NOVA2: variants seen among roughly 807,000 people sequenced by gnomAD.
NOVA2 encodes RNA-binding protein Nova-2.
NOVA2 carries 9 observed loss-of-function variants against 22.5 expected under a neutral mutation model. The ratio of observed to expected loss-of-function variants is 0.40; its 90% CI spans 0.24 to 0.70. The LOEUF is 0.70. Ranked by LOEUF, NOVA2 falls within the 30% of genes least tolerant of loss-of-function variation. NOVA2 has a pLI of 0.38. For missense variants in NOVA2, 383 were observed against 682.8 expected (o/e 0.56, Z 4.89); for synonymous variants, 318 against 335.2 (o/e 0.95, Z 0.56).
At chr19:45,954,524 G>A (rs1258840436) in intron 2 of NOVA2, among the ~76,000 whole-genome samples, 3 of 152,054 alleles carry the variant, frequency 2.0e-5, no homozygotes, top group African/African-American at 7.2e-5. Context: ...GGATGGGGGA[G>A]GCAGAGGAGA....
rs1029299815 is a variant in NOVA2, at chr19:45,973,813, G to A, written c.-462C>T. Among the ~76,000 whole-genome samples the A allele has an allele frequency of 6.6e-6, 1 of 151,500 alleles. No individual in the cohort carries two copies. The highest frequency in any genetic ancestry group is 6.6e-5 in the Admixed American group (1 of 15,236). On this transcript the variant is annotated 5_prime_UTR_variant, in exon 1 of 4. Coordinates refer to ENST00000263257, the MANE Select transcript of NOVA2 (RefSeq NM_002516.4). ...AGGCTGGGGACTGGACGCGCCACTGGGGGGACGGGACTCCCCGCTTCTTCT... is the reference window on the plus strand; with the variant it reads ...AGGCTGGGGACTGGACGCGCCACTGAGGGGACGGGACTCCCCGCTTCTTCT...
At chr19:45,952,397 G>T (rs1967939791) in intron 3 of NOVA2, among the ~76,000 whole-genome samples, 1 of 152,142 alleles carries the variant, frequency 6.6e-6, no homozygotes, top group South Asian at 2.1e-4. Context: ...CTAAACAACA[G>T]AGCCCAGAGC....
Position 45,940,809 on chromosome 19 carries a change from C to T in NOVA2, c.533G>A (p.Arg178His). ...GGGCTCGCCGCTGACCGTCACCACG[C>T]GCTCCTGCAGGTTGATGCCCTCCGG... Reference protein sequence around the residue: ...QKPEGINLQERVVTVSGEPEQ... With the variant: ...QKPEGINLQEHVVTVSGEPEQ... Residue 178 changes from arginine (R) to histidine (H), a missense_variant, in exon 4 of 4, where the codon CGC becomes CAC. Transcript: ENST00000263257. 6.2e-7 allele frequency: 1 copy of T among 1,606,548 alleles called. No homozygotes were observed.
In NOVA2 at chr19:45,939,768, C is replaced by T; in HGVS notation, c.*95G>A. ...CAGCCCCATCCCAAGAGGAGCAGGACTACACCAAGCTGAGGTCAGGAGTTG... is the reference window on the plus strand; with the variant it reads ...CAGCCCCATCCCAAGAGGAGCAGGATTACACCAAGCTGAGGTCAGGAGTTG... On this transcript the variant is annotated 3_prime_UTR_variant, in exon 4 of 4. Transcript: ENST00000263257. The T allele has an allele frequency of 6.6e-7, 1 of 1,513,542 alleles. No individual in the cohort carries two copies. Among genetic ancestry groups the T allele is most frequent in the Non-Finnish European group, 9.0e-7 (1 of 1,110,716 alleles). The allele number at this position is 1,513,542 out of a possible 1,614,324, so 93.8% of individuals were successfully genotyped here.
At chr19:45,962,514 C>T (rs1235226336) in intron 1 of NOVA2, 1 of 152,638 alleles carries the variant, frequency 6.6e-6, no homozygotes, top group Non-Finnish European at 1.5e-5. Flanking sequence ...GCTTAACACC[C>T]TCCACTCCTG....
At position 45,958,463 on chromosome 19, in the gene NOVA2, CGTGTGTGTGAGT is replaced by C. The variant is rs1445755994; in HGVS notation, c.229+2535_229+2546del. On this transcript the variant is annotated intron_variant, in intron 2 of 3. Transcript: ENST00000263257. The stretch of plus-strand genomic sequence containing the variant: ...GCACGTGTGACAATGTGTGTGTAAG[CGTGTGTGTGAGT>C]GGGATGTGTGTGAATGAGTGTGAGT... 2.0e-5 allele frequency among the ~76,000 whole-genome samples: 3 copies of C among 147,602 alleles called. No homozygotes were observed. In the East Asian group the frequency reaches 6.0e-4, roughly 30 times the overall value.
At chr19:45,962,856 C>G (rs1191914300) in intron 1 of NOVA2, among the ~76,000 whole-genome samples, 3 of 152,106 alleles carry the variant, frequency 2.0e-5, no homozygotes, top group African/African-American at 7.2e-5. Context: ...CCATGTTGGT[C>G]AGGCTGGTCT....
At chr19:45,969,813 C>T (rs1968211865) in intron 1 of NOVA2, among the ~76,000 whole-genome samples, 1 of 152,160 alleles carries the variant, frequency 6.6e-6, no homozygotes, top group South Asian at 2.1e-4. Flanking sequence ...TCTTCCTGCC[C>T]TTAGTGCCTT....
At chr19:45,958,765 A>C (rs951545495) in intron 2 of NOVA2, among the ~76,000 whole-genome samples, 2 of 152,056 alleles carry the variant, frequency 1.3e-5, no homozygotes, top group African/African-American at 4.8e-5. Context: ...GGCTACATTG[A>C]CCAAACTGCT....
intron 1 of NOVA2, among the ~76,000 whole-genome samples, chr19:45,969,281 G>T (rs1193267477): frequency 1.3e-5 from 2 of 152,076 alleles, no homozygotes; most frequent in Non-Finnish European, 2.9e-5. Flanking sequence ...GAAGTGGGTG[G>T]ATCACCTGAG....
chr19:45,964,184 T>TC (rs1177688123), intron 1 of NOVA2, among the ~76,000 whole-genome samples: 2 of 123,820 alleles, frequency 1.6e-5, no homozygotes, highest in Non-Finnish European at 3.0e-5. Context: ...TTTTTCTTTT[T>TC]TTTTTTTTTT....
chr19:45,960,325 G>C (rs1968076071), intron 2 of NOVA2, among the ~76,000 whole-genome samples: 1 of 151,576 alleles, frequency 6.6e-6, no homozygotes, highest in Non-Finnish European at 1.5e-5. Context: ...AAAAACGTGA[G>C]ACTATGAGAG....
chr19:45,955,706 G>C (rs1340020759), intron 2 of NOVA2, among the ~76,000 whole-genome samples: 1 of 151,768 alleles, frequency 6.6e-6, no homozygotes, highest in Non-Finnish European at 1.5e-5. Context: ...AAAAATACAA[G>C]AATTAGCTGG....
chr19:45,940,129 C>A lies in NOVA2; in HGVS notation c.1213G>T (p.Ala405Ser), dbSNP rs1207517780. ...LTAEKLAAES[A>S]KELVEIAVPE... ...ACCGCAATCTCCACCAGCTCCTTGG[C>A]ACTCTCAGCCGCCAGCTTCTCCGCC... Residue 405 changes from alanine (A) to serine (S), a missense_variant, in exon 4 of 4, where the codon GCC becomes TCC. Physicochemically the swap from Ala to Ser is moderately conservative, Grantham distance 99. Transcript: ENST00000263257. 6.2e-7 allele frequency: 1 copy of A among 1,611,402 alleles called. No homozygotes were observed. Among genetic ancestry groups the A allele is most frequent in the African/African-American group, 1.3e-5 (1 of 74,894 alleles).
intron 2 of NOVA2, among the ~76,000 whole-genome samples, chr19:45,957,372 T>C (rs1017820512): frequency 3.9e-5 from 6 of 152,014 alleles, no homozygotes; most frequent in African/African-American, 1.2e-4. Flanking sequence ...ACCCTGTCTC[T>C]ACTGAAAATA....
rs1968092428 is a variant in NOVA2, at chr19:45,961,281, T to C, written c.86-128A>G. ...GAATAATACAAATAATGATCTTCAT[T>C]CACTCATTCATTCAACAAATAGTTA... is the stretch of plus-strand genomic sequence containing the variant. On this transcript the variant is annotated intron_variant, in intron 1 of 3. Transcript: ENST00000263257. 10 of 619,194 alleles carry C rather than the reference T, an allele frequency of 1.6e-5. No homozygotes were observed. The East Asian group carries it at 2.6e-4, about 16-fold the overall frequency. The allele number at this position is 619,194 out of a possible 1,614,324, so 38.4% of individuals were successfully genotyped here.
intron 2 of NOVA2, among the ~76,000 whole-genome samples, chr19:45,960,114 A>G (rs1249613952): frequency 6.6e-6 from 1 of 151,046 alleles, no homozygotes. Flanking sequence ...GAGCAGGGGG[A>G]GAGGCAGAAA....
At chr19:45,945,557 G>A (rs1271307498) in intron 3 of NOVA2, among the ~76,000 whole-genome samples, 4 of 151,776 alleles carry the variant, frequency 2.6e-5, no homozygotes, top group Non-Finnish European at 1.5e-5. Flanking sequence ...CTCCGGCCTC[G>A]GCCTCCTAAA....
intron 3 of NOVA2, 129 bp downstream of exon 3, chr19:45,953,651 T>C: frequency 9.0e-7 from 1 of 1,110,122 alleles, no homozygotes; most frequent in Non-Finnish European, 1.3e-6. Context: ...CACTACCATG[T>C]GGTCTTTGAC....
Sources: gnomAD v4.1 joint callset for allele counts (sites outside exome capture counted in the v4.1 genomes callset) on GRCh38, gnomAD v4.1.1 for gene constraint, MANE v1.5 for transcripts, NCBI Gene and HGNC (gene_info 2026-07-23, HGNC 2026-07-21) for gene names.